Variants in RUFY4 observed in about 807,000 individuals in gnomAD.
RUFY4 encodes RUN and FYVE domain containing 4.
A neutral mutation model predicts 69.0 loss-of-function variants in RUFY4; 73 were observed. The observed-to-expected ratio is 1.06, with a 90% CI of 0.88 to 1.29. RUFY4 has a LOEUF of 1.29. Ranked by LOEUF, RUFY4 falls within the 50% of genes most tolerant of loss-of-function variation. The pLI is 0.00. For missense variants in RUFY4, 770 were observed against 705.6 expected, an observed-to-expected ratio of 1.09 and a Z score of -1.03; for synonymous variants, 287 against 271.8, an observed-to-expected ratio of 1.06 and a Z score of -0.55.
At chr2:218,076,924 T>C (rs1386692087) in intron 8 of RUFY4, among the ~76,000 whole-genome samples, 3 of 152,230 alleles carry the variant, frequency 2.0e-5, no homozygotes, top group Non-Finnish European at 2.9e-5. Context: ...TTTACTCAGT[T>C]TCTTTGTGTC....
intron 2 of RUFY4, among the ~76,000 whole-genome samples, chr2:218,051,567 T>TA (rs1559423189): frequency 3.0e-4 from 37 of 125,248 alleles, no homozygotes; most frequent in African/African-American, 4.9e-4. Flanking sequence ...TTCCAATATT[T>TA]TAAAAAAAAA....
At chr2:218,063,354 G>C (rs942385847) in intron 3 of RUFY4, among the ~76,000 whole-genome samples, 24 of 152,206 alleles carry the variant, frequency 1.6e-4, no homozygotes, top group African/African-American at 5.5e-4. Context: ...GCTGGGCACA[G>C]TCAGAAAAAG....
At chr2:218,078,113 G>A (rs1170904743) in intron 8 of RUFY4, among the ~76,000 whole-genome samples, 6 of 152,160 alleles carry the variant, frequency 3.9e-5, no homozygotes, top group African/African-American at 1.2e-4. Flanking sequence ...CAGGCCAAAC[G>A]CCTGCCCTCA....
chr2:218,058,915 A>T (rs1689122637), intron 3 of RUFY4, among the ~76,000 whole-genome samples: 1 of 152,230 alleles, frequency 6.6e-6, no homozygotes, highest in Non-Finnish European at 1.5e-5. Context: ...GCCCTAGAGC[A>T]TCCCAGAACA....
At chr2:218,043,554 C>A (rs1027991799) in intron 2 of RUFY4, among the ~76,000 whole-genome samples, 2 of 152,204 alleles carry the variant, frequency 1.3e-5, no homozygotes, top group Admixed American at 6.5e-5. Flanking sequence ...ACAGATGAGG[C>A]CCCAGAGAGG....
chr2:218,052,356 T>C (rs1292936918), intron 2 of RUFY4, among the ~76,000 whole-genome samples: 1 of 152,218 alleles, frequency 6.6e-6, no homozygotes, highest in Non-Finnish European at 1.5e-5. Context: ...TCACGTGCTA[T>C]TACTTTTTCT....
intron 2 of RUFY4, among the ~76,000 whole-genome samples, chr2:218,045,761 G>C (rs1012640115): frequency 2.0e-5 from 3 of 151,064 alleles, no homozygotes; most frequent in Non-Finnish European, 2.9e-5. Flanking sequence ...TTTAAAAATT[G>C]GCAAATATGT....
exon 7 of RUFY4, chr2:218,075,122 T>C (rs1265380805): frequency 6.5e-7 from 1 of 1,544,246 alleles, no homozygotes; most frequent in Admixed American, 2.0e-5. Context: ...GGCCTGAAAA[T>C]GTCCAGATTG....
intron 9 of RUFY4, among the ~76,000 whole-genome samples, chr2:218,085,978 G>A (rs1183708215): frequency 6.6e-6 from 1 of 152,118 alleles, no homozygotes; most frequent in African/African-American, 2.4e-5. Context: ...GAATATAAAG[G>A]GAAGAGATGA....
intron 8 of RUFY4, among the ~76,000 whole-genome samples, chr2:218,080,841 G>A (rs537187878): frequency 4.9e-4 from 74 of 152,278 alleles, no homozygotes; most frequent in African/African-American, 1.7e-3. Context: ...TGAAGGTGTA[G>A]GGAGGCAAAA....
At chr2:218,089,307 T>G (rs768983841) in exon 10 of RUFY4, 1 of 1,613,820 alleles carries the variant, frequency 6.2e-7, no homozygotes, top group South Asian at 1.1e-5. Context: ...GGCTCCCGAG[T>G]GCTGTGTGGC....
exon 7 of RUFY4, chr2:218,075,643 A>G: frequency 6.6e-7 from 1 of 1,516,094 alleles, no homozygotes; most frequent in Non-Finnish European, 8.8e-7. Context: ...GCAACAAAGG[A>G]AGACTCTACC....
intron 2 of RUFY4, among the ~76,000 whole-genome samples, chr2:218,035,571 C>T (rs1077362): frequency 0.5 from 76,584 of 151,752 alleles, 20,144 homozygotes; most frequent in East Asian, 0.74. Flanking sequence ...ACCACTGCCA[C>T]GCCACCCCAA....
At chr2:218,042,719 A>C (rs1464215237) in intron 2 of RUFY4, among the ~76,000 whole-genome samples, 1 of 152,142 alleles carries the variant, frequency 6.6e-6, no homozygotes, top group African/African-American at 2.4e-5. Flanking sequence ...ATCCAGCTTC[A>C]GCTTGAAGGG....
upstream of RUFY4, among the ~76,000 whole-genome samples, chr2:218,066,687 A>C (rs1454220907): frequency 6.6e-6 from 1 of 152,272 alleles, no homozygotes; most frequent in East Asian, 1.9e-4. Context: ...TACGTGCCAC[A>C]TGTGTCCAAA....
chr2:218,060,626 G>A, intron 3 of RUFY4: 1 of 1,353,144 alleles, frequency 7.4e-7, no homozygotes, highest in Non-Finnish European at 1.1e-6. Context: ...AGGTTGTAGG[G>A]CAGCCAGCAG....
At chr2:218,073,874 G>A (rs745624235) in exon 6 of RUFY4, 77 of 1,613,790 alleles carry the variant, frequency 4.8e-5, no homozygotes, top group Admixed American at 3.3e-5. Context: ...AAACAAAGAT[G>A]CCCCAAAGAA....
intron 3 of RUFY4, chr2:218,058,730 G>A (rs1358355536): frequency 2.0e-5 from 3 of 152,252 alleles, no homozygotes; most frequent in African/African-American, 7.2e-5. Flanking sequence ...TGTGCTTGTG[G>A]GGGAGAGAGA....
At chr2:218,038,808 C>T (rs1042394904) in intron 2 of RUFY4, among the ~76,000 whole-genome samples, 1 of 152,168 alleles carries the variant, frequency 6.6e-6, no homozygotes, top group Admixed American at 6.5e-5. Context: ...ATGATGGTTG[C>T]TGCAGCTCTA....
Sources: gnomAD v4.1 joint callset for allele counts (sites outside exome capture counted in the v4.1 genomes callset) on GRCh38, gnomAD v4.1.1 for gene constraint, MANE v1.5 for transcripts, NCBI Gene and HGNC (gene_info 2026-07-23, HGNC 2026-07-21) for gene names.